The following AGPAT3 variants were observed in gnomAD, a reference collection of about 807,000 sequenced individuals.
AGPAT3 encodes 1-acyl-sn-glycerol-3-phosphate acyltransferase gamma.
A neutral mutation model predicts 47.3 loss-of-function variants in AGPAT3; 5 were observed. The ratio of observed to expected loss-of-function variants is 0.11; its 90% CI spans 0.06 to 0.22. AGPAT3 has a LOEUF of 0.22. AGPAT3 is among the 10% of genes least tolerant of loss of function. The pLI is 1.00. For missense variants in AGPAT3, 315 were observed against 493.0 expected (o/e 0.64, Z 3.42); for synonymous variants, 212 against 208.3 (o/e 1.02, Z -0.15).
intron 1 of AGPAT3, among the ~76,000 whole-genome samples, chr21:43,881,951 A>G (rs2085862630): frequency 1.3e-5 from 2 of 152,236 alleles, no homozygotes; most frequent in Non-Finnish European, 2.9e-5. Context: ...GCCACCATGC[A>G]CGGCCTATTA....
chr21:43,969,375 A>T, intron 5 of AGPAT3, 96 bp downstream of exon 5: 1 of 1,499,204 alleles, frequency 6.7e-7, no homozygotes, highest in Non-Finnish European at 9.1e-7. Flanking sequence ...GGGAAACCCC[A>T]TGAGAGCCTC....
At chr21:43,890,017 ATGACATTTTGGATCTGTGTCCCTAAAATC>A (rs2086066673) in intron 1 of AGPAT3, among the ~76,000 whole-genome samples, 2 of 148,754 alleles carry the variant, frequency 1.3e-5, no homozygotes, top group African/African-American at 4.9e-5. Flanking sequence ...TCCCTAAAAT[ATGACATTTTGGATCTGTGTCCCTAAAATC>A]TGACATTTTG....
At position 43,939,005 on chromosome 21, in the gene AGPAT3, A is replaced by G. The variant is rs540479939; in HGVS notation, c.-48-20629A>G. Among the ~76,000 whole-genome samples the G allele has an allele frequency of 1.2e-4, 19 of 152,276 alleles. No individual in the cohort carries two copies. In the East Asian group the frequency reaches 3.5e-3, roughly 28 times the overall value. ...GGCTGAGCATGTCAGGACTGAGCTG[A>G]GCGGTTCCCACCTCTCAGTCCACAG... On this transcript the variant is annotated intron_variant, in intron 2 of 9. Transcript: ENST00000291572. The surrounding 1 kb of genome is among the most constrained non-coding windows in gnomAD (Gnocchi z 4.4).
At position 43,883,775 on chromosome 21, in the gene AGPAT3, G is replaced by A. The variant is rs970383125; in HGVS notation, c.-112+18430G>A. 3.3e-5 allele frequency among the ~76,000 whole-genome samples: 5 copies of A among 152,296 alleles called. No individual in the cohort carries two copies. In the East Asian group the frequency reaches 5.8e-4, roughly 18 times the overall value. ...CACCTGGCTAATTTTTGTATTTTTA[G>A]TAGAGATGGGGTTTTGCCATGTTGG... On this transcript the variant is annotated intron_variant, in intron 1 of 9. Transcript: ENST00000291572.
chr21:43,974,873 C>T (rs2089545951), intron 7 of AGPAT3, among the ~76,000 whole-genome samples: 1 of 152,202 alleles, frequency 6.6e-6, no homozygotes, highest in Non-Finnish European at 1.5e-5. Context: ...TGTGGCAAAT[C>T]CTCCCCATGC....
At chr21:43,866,069 C>T (rs1200124311) in intron 1 of AGPAT3, among the ~76,000 whole-genome samples, 1 of 149,696 alleles carries the variant, frequency 6.7e-6, no homozygotes, top group African/African-American at 2.5e-5. Flanking sequence ...GTCCCAAGTA[C>T]TTAGGAAAGG....
intron 2 of AGPAT3, among the ~76,000 whole-genome samples, chr21:43,946,149 C>A (rs550374183): frequency 6.6e-6 from 1 of 152,366 alleles, no homozygotes; most frequent in Admixed American, 6.5e-5. Flanking sequence ...GTTGGTTGTC[C>A]TGCAGCCTCA....
At chr21:43,928,369 T>G (rs2087126743) in intron 2 of AGPAT3, among the ~76,000 whole-genome samples, 1 of 152,186 alleles carries the variant, frequency 6.6e-6, no homozygotes, top group South Asian at 2.1e-4. Context: ...GCCCCGTCAT[T>G]CCGGGGGGCA....
At chr21:43,950,619 C>G (rs1486723587) in intron 2 of AGPAT3, 1 of 152,270 alleles carries the variant, frequency 6.6e-6, no homozygotes, top group Non-Finnish European at 1.5e-5. Context: ...GCATTGTGCC[C>G]TCATGCGTGA....
At chr21:43,979,698 C>T (rs1250299587) in intron 8 of AGPAT3, among the ~76,000 whole-genome samples, 2 of 152,210 alleles carry the variant, frequency 1.3e-5, no homozygotes, top group Non-Finnish European at 2.9e-5. Flanking sequence ...TGTCCTCCAA[C>T]AGGCTTGAAG....
chr21:43,891,874 T>A (rs9985020), intron 1 of AGPAT3, among the ~76,000 whole-genome samples: 1 of 152,198 alleles, frequency 6.6e-6, no homozygotes, highest in Admixed American at 6.5e-5. Flanking sequence ...ATCATGCGTC[T>A]TCTTAATGGC....
At chr21:43,901,951 G>C (rs531400477) in intron 1 of AGPAT3, among the ~76,000 whole-genome samples, 1 of 152,154 alleles carries the variant, frequency 6.6e-6, no homozygotes, top group South Asian at 2.1e-4. Context: ...GGACCATATC[G>C]AGAGTAACAT....
intron 1 of AGPAT3, among the ~76,000 whole-genome samples, chr21:43,887,811 C>G (rs2086014614): frequency 6.6e-6 from 1 of 152,204 alleles, no homozygotes; most frequent in African/African-American, 2.4e-5. Flanking sequence ...CCCGCCATCA[C>G]ACCCACTGAC....
intron 6 of AGPAT3, 119 bp from the exon 7 acceptor site, chr21:43,971,269 A>AC: frequency 1.3e-6 from 1 of 792,998 alleles, no homozygotes; most frequent in Non-Finnish European, 2.1e-6. Context: ...ACGGGGCCAG[A>AC]CCCCTCACGC....
chr21:43,950,090 C>T (rs778701595), intron 2 of AGPAT3, among the ~76,000 whole-genome samples: 1 of 152,192 alleles, frequency 6.6e-6, no homozygotes, highest in Non-Finnish European at 1.5e-5. Context: ...CCCAGATGAC[C>T]ATGTGGGACA....
chr21:43,973,468 G>T (rs2089477948), intron 7 of AGPAT3, among the ~76,000 whole-genome samples: 1 of 152,216 alleles, frequency 6.6e-6, no homozygotes, highest in African/African-American at 2.4e-5. Context: ...GAGGCTGGGT[G>T]GTCAGAGTAG....
chr21:43,981,100 C>T lies in AGPAT3; in HGVS notation c.955C>T (p.Leu319=). ...CTTCCTGTCCTGGGCCACCATTCTCCTGTCTCCCCTCTTCAGTTTTGTCTT... is the reference window on the plus strand; with the variant it reads ...CTTCCTGTCCTGGGCCACCATTCTCTTGTCTCCCCTCTTCAGTTTTGTCTT... ...LNFLSWATIL[L]SPLFSFVLGV... is the part of the protein sequence containing the mutation. The change falls in exon 9 of 10, where the codon CTG becomes TTG. Residue 319 remains leucine (L), a synonymous_variant. Transcript: ENST00000291572. The surrounding 1 kb of genome is among the most constrained non-coding windows in gnomAD (Gnocchi z 5.3). 1 of 1,614,250 alleles carries T rather than the reference C, an allele frequency of 6.2e-7. No homozygotes were observed. The highest frequency in any genetic ancestry group is 8.5e-7 in the Non-Finnish European group (1 of 1,180,058).
chr21:43,907,943 C>T (rs959364127), intron 2 of AGPAT3, among the ~76,000 whole-genome samples: 4 of 152,232 alleles, frequency 2.6e-5, no homozygotes, highest in Non-Finnish European at 4.4e-5. Flanking sequence ...CGCACGGCTC[C>T]GTGTGCTGGA....
At chr21:43,902,796 C>G (rs958482775) in intron 1 of AGPAT3, among the ~76,000 whole-genome samples, 1 of 152,144 alleles carries the variant, frequency 6.6e-6, no homozygotes, top group Non-Finnish European at 1.5e-5. Context: ...CTCAGGAGTT[C>G]AAGACCAGCC....
Sources: gnomAD v4.1 joint callset for allele counts (sites outside exome capture counted in the v4.1 genomes callset) on GRCh38, gnomAD v4.1.1 for gene constraint, Gnocchi (gnomAD v3.1) non-coding constraint, MANE v1.5 for transcripts, NCBI Gene and HGNC (gene_info 2026-07-23, HGNC 2026-07-21) for gene names.